The following SMTNL2 variants were observed in gnomAD, a reference collection of about 807,000 sequenced individuals.
SMTNL2 encodes the protein smoothelin-like protein 2.
A neutral mutation model predicts 44.1 loss-of-function variants in SMTNL2; 43 were observed. The observed-to-expected ratio is 0.98, with a 90% CI of 0.76 to 1.26. The LOEUF is 1.26. Ranked by LOEUF, SMTNL2 falls within the 50% of genes most tolerant of loss-of-function variation. SMTNL2 has a pLI of 0.00. For synonymous variants in SMTNL2, 317 were observed against 287.6 expected, an observed-to-expected ratio of 1.10 and a Z score of -1.03; for missense variants, 646 against 670.2, an observed-to-expected ratio of 0.96 and a Z score of 0.40.
rs573081039 is a variant in SMTNL2 at position 4,594,034 on chromosome 17, C to A, written c.806+137C>A. Reference sequence around the variant, plus strand: ...GGGGCTGGATCTCGGGAGCACTGGGCGGCAGGATGGGGGGAAGGTCTGAGC... The same window carrying A: ...GGGGCTGGATCTCGGGAGCACTGGGAGGCAGGATGGGGGGAAGGTCTGAGC... On this transcript the variant is annotated intron_variant, in intron 4 of 7. Transcript: ENST00000389313. 3 of 811,826 alleles carry A rather than the reference C, an allele frequency of 3.7e-6. No homozygotes were observed. In the African/African-American group the frequency reaches 5.2e-5, roughly 14 times the overall value. 50.3% of individuals were successfully genotyped at this position (811,826 alleles called of 1,614,324 possible). A position where few individuals can be genotyped will look rare whatever the true frequency, so the allele number is the denominator to read the frequency against.
chr17:4,588,558 C>A (rs1909438183), intron 1 of SMTNL2, among the ~76,000 whole-genome samples: 1 of 152,226 alleles, frequency 6.6e-6, no homozygotes, highest in Non-Finnish European at 1.5e-5. Context: ...CTGCCCCCAT[C>A]AAAGGAGAGC....
intron 5 of SMTNL2, among the ~76,000 whole-genome samples, chr17:4,596,325 G>A (rs888826650): frequency 6.6e-6 from 1 of 152,228 alleles, no homozygotes; most frequent in Non-Finnish European, 1.5e-5. Context: ...TAGTGAGGGG[G>A]ACCGACCCCG....
In SMTNL2 at chr17:4,607,520, C is replaced by G. The variant is rs775391185; in HGVS notation, c.*33C>G. The G allele has an allele frequency of 1.9e-6, 3 of 1,607,668 alleles. No individual in the cohort carries two copies. The South Asian group carries it at 3.3e-5, about 18-fold the overall frequency. ...GAGCCTGGATTGCCAAAGAGCAGCCCCAGGAAGAGGCCGGGGGTCCGCTTG... is the reference window on the plus strand; with the variant it reads ...GAGCCTGGATTGCCAAAGAGCAGCCGCAGGAAGAGGCCGGGGGTCCGCTTG... On this transcript the variant is annotated 3_prime_UTR_variant, in exon 8 of 8. Transcript: ENST00000389313. This position sits in a 1 kb window ranked among gnomAD's most constrained non-coding sequence, Gnocchi z 4.7.
In SMTNL2 at chr17:4,593,927, C is replaced by T. The variant is rs752733697; in HGVS notation, c.806+30C>T. ...GTCAGGGCCTGTGTTCCTGTGGGGT[C>T]GCTGCGCCCCAGGTGTCTTCTCTGC... On this transcript the variant is annotated intron_variant, in intron 4 of 7. Transcript: ENST00000389313. 160 of 1,609,382 alleles carry T rather than the reference C, an allele frequency of 9.9e-5. 1 individual carries two copies. In the Admixed American group the frequency reaches 1.7e-3, roughly 17 times the overall value.
At position 4,593,127 on chromosome 17, in the gene SMTNL2, C is replaced by CA; in HGVS notation, c.688dup (p.Ser230LysfsTer14). ...GCTGCCACCCTGGGGGGCCTCAACC[C>CA]AAGCCCCAGCGAGGTCATCACGCCC... On this transcript the variant is annotated frameshift_variant, in exon 3 of 8. Coordinates refer to ENST00000389313, the MANE Select transcript of SMTNL2 (RefSeq NM_001114974.2). LOFTEE classifies it high-confidence loss of function. The CA allele has an allele frequency of 1.2e-6, 2 of 1,612,430 alleles. No homozygotes were observed. The highest frequency in any genetic ancestry group is 8.5e-7 in the Non-Finnish European group (1 of 1,178,936).
intron 1 of SMTNL2, among the ~76,000 whole-genome samples, chr17:4,588,075 A>G (rs1007782653): frequency 5.9e-5 from 9 of 152,222 alleles, no homozygotes; most frequent in Non-Finnish European, 1.0e-4. Context: ...TCCCAGACAC[A>G]CTGTGCGATA....
At chr17:4,585,327 C>T (rs1278133673) in intron 1 of SMTNL2, among the ~76,000 whole-genome samples, 1 of 152,248 alleles carries the variant, frequency 6.6e-6, no homozygotes, top group Non-Finnish European at 1.5e-5. Flanking sequence ...CCTGACTGTT[C>T]AGCACTGCCT....
At position 4,584,827 on chromosome 17, in the gene SMTNL2, C is replaced by T. The variant is rs1323654834; in HGVS notation, c.222C>T (p.Leu74=). ...ACAACCAGCGGCTGCAGGCGCAGCT[C>T]GAGCGCCTGACGCGCCAGGTGGAGG... ...QRDNQRLQAQ[L]ERLTRQVEAL... is the part of the protein sequence containing the mutation. Residue 74 remains leucine, a synonymous_variant, in exon 1 of 8, where the codon CTC becomes CTT. Transcript: ENST00000389313. The T allele has an allele frequency of 6.0e-6, 8 of 1,327,196 alleles. No homozygotes were observed. Among genetic ancestry groups the T allele is most frequent in the Non-Finnish European group, 7.7e-6 (8 of 1,039,684 alleles). 82.2% of individuals were successfully genotyped at this position (1,327,196 alleles called of 1,614,324 possible).
chr17:4,591,546 G>C (rs1909571619), intron 1 of SMTNL2, among the ~76,000 whole-genome samples: 1 of 152,262 alleles, frequency 6.6e-6, no homozygotes, highest in South Asian at 2.1e-4. Flanking sequence ...TACCGGGGAG[G>C]ACAGTTGCTA....
chr17:4,595,252 C>A lies in SMTNL2; in HGVS notation c.914C>A (p.Thr305Lys), dbSNP rs548022143. 1.9e-6 allele frequency: 3 copies of A among 1,613,132 alleles called. No individual in the cohort carries two copies. Among genetic ancestry groups the A allele is most frequent in the Non-Finnish European group, 1.7e-6 (2 of 1,179,974 alleles). Residue 305 changes from threonine to lysine, a missense_variant, in exon 5 of 8, where the codon ACG (threonine) becomes AAG (lysine). By Grantham distance (78) the Thr-to-Lys change is moderately conservative. Transcript: ENST00000389313. This position sits in a 1 kb window ranked among gnomAD's most constrained non-coding sequence, Gnocchi z 5.1. ...CGCAGGGAGCTGGTGAGGTCGCAGA[C>A]GCTGCCCCGCACCTCGGAGGCGCAG... ...ERRRELVRSQ[T>K]LPRTSEAQAR...
chr17:4,587,883 G>T (rs1304112315), intron 1 of SMTNL2, among the ~76,000 whole-genome samples: 1 of 152,202 alleles, frequency 6.6e-6, no homozygotes, highest in African/African-American at 2.4e-5. Context: ...GGCAGCTTGA[G>T]GCCAGGCCCA....
Position 4,607,100 on chromosome 17 carries a change from A to G in SMTNL2, c.1260-261A>G, listed in dbSNP as rs1910309727. On this transcript the variant is annotated intron_variant, in intron 7 of 7. Coordinates refer to ENST00000389313, the MANE Select transcript of SMTNL2 (RefSeq NM_001114974.2). This position sits in a 1 kb window ranked among gnomAD's most constrained non-coding sequence, Gnocchi z 4.7. ...CCCCTGTCTCTAAAAAAAAAACCCA[A>G]ATTAAATAAAGTAAGTCTGTTTAAA... Among the ~76,000 whole-genome samples, 1 of 152,084 alleles carries G rather than the reference A, an allele frequency of 6.6e-6. No individual in the cohort carries two copies. Among genetic ancestry groups the G allele is most frequent in the Non-Finnish European group, 1.5e-5 (1 of 68,018 alleles).
upstream of SMTNL2, among the ~76,000 whole-genome samples, chr17:4,584,282 G>C (rs1909245214): frequency 1.3e-5 from 2 of 152,194 alleles, no homozygotes. Flanking sequence ...CTACGGTCCA[G>C]GGGGGCCAGG....
chr17:4,588,720 G>A (rs940822069), intron 1 of SMTNL2, among the ~76,000 whole-genome samples: 4 of 152,218 alleles, frequency 2.6e-5, no homozygotes, highest in African/African-American at 9.6e-5. Flanking sequence ...CCATGGGGCC[G>A]GGGCTCATAC....
intron 1 of SMTNL2, among the ~76,000 whole-genome samples, chr17:4,586,028 G>T (rs1443791110): frequency 1.3e-5 from 2 of 152,152 alleles, no homozygotes; most frequent in South Asian, 4.1e-4. Context: ...TCTCAGCAAG[G>T]CTTTGTGCTG....
Position 4,597,202 on chromosome 17 carries a change from T to C in SMTNL2, c.1138T>C (p.Trp380Arg), listed in dbSNP as rs769559072. 48 of 1,614,008 alleles carry C rather than the reference T, an allele frequency of 3.0e-5. No homozygotes were observed. Among genetic ancestry groups the C allele is most frequent in the Non-Finnish European group, 3.3e-5 (39 of 1,179,970 alleles). Residue 380 changes from tryptophan to arginine, a missense_variant, in exon 7 of 8, where the codon TGG becomes CGG. Coordinates refer to ENST00000389313, the MANE Select transcript of SMTNL2 (RefSeq NM_001114974.2). ...GGACCTGCAGAACTTCTCCTCCAGC[T>C]GGAGCGACGGCATGGCCTTCTGCGC... is the stretch of plus-strand genomic sequence containing the variant. ...HVDLQNFSSS[W>R]SDGMAFCALV...
At position 4,584,569 on chromosome 17, in the gene SMTNL2, G is replaced by T. The variant is rs1050212175; in HGVS notation, c.-37G>T. ...CTGCGGAGCTCGGATCTTCTCCCCC[G>T]TCTGGCCCGCTCTCGACCCGCGCGC... is the stretch of plus-strand genomic sequence containing the variant. On this transcript the variant is annotated 5_prime_UTR_variant, in exon 1 of 8. Coordinates refer to ENST00000389313, the MANE Select transcript of SMTNL2 (RefSeq NM_001114974.2). The T allele has an allele frequency of 3.3e-6, 4 of 1,219,558 alleles. No homozygotes were observed. In the African/African-American group the frequency reaches 6.3e-5, roughly 19 times the overall value. 75.5% of individuals were successfully genotyped at this position (1,219,558 alleles called of 1,614,324 possible).
Position 4,608,290 on chromosome 17 carries a change from T to G in SMTNL2, c.*803T>G, listed in dbSNP as rs764731480. ...AACTCCCTCTGTACCACTGACCCATTTATACATAAAAAAGATGTGTTGAAT... is the reference window on the plus strand; with the variant it reads ...AACTCCCTCTGTACCACTGACCCATGTATACATAAAAAAGATGTGTTGAAT... On this transcript the variant is annotated 3_prime_UTR_variant, in exon 8 of 8. Coordinates refer to ENST00000389313, the MANE Select transcript of SMTNL2 (RefSeq NM_001114974.2). 2 of 152,190 alleles carry G rather than the reference T, an allele frequency of 1.3e-5. No homozygotes were observed. The highest frequency in any genetic ancestry group is 2.9e-5 in the Non-Finnish European group (2 of 68,038). The allele number at this position is 152,190 out of a possible 1,614,324, so 9.4% of individuals were successfully genotyped here.
At chr17:4,603,184 T>C (rs1192553561) in intron 7 of SMTNL2, among the ~76,000 whole-genome samples, 1 of 152,008 alleles carries the variant, frequency 6.6e-6, no homozygotes, top group African/African-American at 2.4e-5. Flanking sequence ...ACCCGGAAAA[T>C]GCCGGCAATT....
Sources: allele counts gnomAD v4.1 joint callset (sites outside exome capture counted in the v4.1 genomes callset), GRCh38; gene constraint gnomAD v4.1.1; non-coding constraint Gnocchi (gnomAD v3.1); transcripts MANE v1.5; gene names NCBI Gene and HGNC (gene_info 2026-07-23, HGNC 2026-07-21).